The following NLGN1 variants were observed in gnomAD, a reference collection of about 807,000 sequenced individuals.
The protein encoded by NLGN1 is neuroligin 1, also known as neuroligin-1.
A neutral mutation model predicts 65.5 loss-of-function variants in NLGN1; 12 were observed. The ratio of observed to expected loss-of-function variants is 0.18; its 90% confidence interval spans 0.12 to 0.30. The LOEUF is 0.30. Ranked by LOEUF, NLGN1 falls within the 10% of genes least tolerant of loss-of-function variation. The pLI, the probability that NLGN1 is intolerant of heterozygous loss-of-function variation, is 1.00. For missense variants in NLGN1, 750 were observed against 1,007.1 expected (o/e 0.74, Z 3.46); for synonymous variants, 350 against 359.5 (o/e 0.97, Z 0.30).
intron 4 of NLGN1, among the ~76,000 whole-genome samples, chr3:174,105,935 G>A (rs1713684376): frequency 6.6e-6 from 1 of 152,102 alleles, no homozygotes; most frequent in African/African-American, 2.4e-5. Flanking sequence ...CAATGAAACA[G>A]AGGATCATTT....
chr3:174,121,175 T>C (rs1254007551), intron 4 of NLGN1, among the ~76,000 whole-genome samples: 1 of 152,200 alleles, frequency 6.6e-6, no homozygotes, highest in Non-Finnish European at 1.5e-5. Context: ...CAAGCACATA[T>C]GCTCATTATT....
At chr3:174,030,613 A>C (rs1729808802) in intron 4 of NLGN1, among the ~76,000 whole-genome samples, 1 of 152,214 alleles carries the variant, frequency 6.6e-6, no homozygotes, top group Non-Finnish European at 1.5e-5. Flanking sequence ...GATTGAACTT[A>C]TATGTTTACC....
chr3:174,127,365 A>G (rs78515649), intron 4 of NLGN1, among the ~76,000 whole-genome samples: 4,574 of 152,216 alleles, frequency 0.03, 236 homozygotes, highest in African/African-American at 0.1. Flanking sequence ...TAAGGACATA[A>G]TATTTTAAAG....
chr3:174,076,726 T>A (rs9875307), intron 4 of NLGN1, among the ~76,000 whole-genome samples: 2,791 of 87,026 alleles, frequency 0.032, 33 homozygotes, highest in South Asian at 0.071. Flanking sequence ...AGAGAGAGAG[T>A]GTGTGTGTGT....
chr3:173,907,931 G>C (rs563459912), intron 4 of NLGN1, among the ~76,000 whole-genome samples: 42 of 152,202 alleles, frequency 2.8e-4, no homozygotes, highest in Admixed American at 2.0e-4. Context: ...TGTTGGCCAG[G>C]CTGGTCTCGA....
chr3:174,138,657 A>G (rs1356446881), intron 4 of NLGN1, among the ~76,000 whole-genome samples: 2 of 151,774 alleles, frequency 1.3e-5, no homozygotes, highest in Non-Finnish European at 2.9e-5. Context: ...GATGGTCTTG[A>G]TCTCCTGACC....
chr3:173,560,856 A>G (rs972979556), intron 2 of NLGN1, among the ~76,000 whole-genome samples: 6 of 152,222 alleles, frequency 3.9e-5, no homozygotes, highest in Admixed American at 3.9e-4. Flanking sequence ...CAAGGTATCA[A>G]CATATCTATA....
At chr3:173,631,821 G>A (rs764146044) in intron 3 of NLGN1, among the ~76,000 whole-genome samples, 1 of 151,996 alleles carries the variant, frequency 6.6e-6, no homozygotes, top group Non-Finnish European at 1.5e-5. Flanking sequence ...TTTACTGAAT[G>A]AAATTTACTT....
chr3:174,117,868 T>G (rs139000368), intron 4 of NLGN1, among the ~76,000 whole-genome samples: 1 of 152,336 alleles, frequency 6.6e-6, no homozygotes, highest in African/African-American at 2.4e-5. Context: ...CATTAAAAAA[T>G]GCCCTTTATT....
chr3:173,587,216 C>T (rs1388504306), intron 2 of NLGN1, among the ~76,000 whole-genome samples: 1 of 152,062 alleles, frequency 6.6e-6, no homozygotes, highest in African/African-American at 2.4e-5. Flanking sequence ...TCAGAATAAA[C>T]AATACTTTCT....
rs150631692 is a variant in NLGN1 at position 173,473,741 on chromosome 3, G to A, written c.-321+38663G>A. On this transcript the variant is annotated intron_variant, in intron 2 of 6. Coordinates refer to ENST00000457714, the Ensembl canonical transcript of NLGN1. Reference sequence around the variant, plus strand: ...TAATTTCTGGTGTATTTTAAAGTGTGCATTTCCTACTCAGTTCCCAAATAA... The same window carrying A: ...TAATTTCTGGTGTATTTTAAAGTGTACATTTCCTACTCAGTTCCCAAATAA... 4.8e-3 allele frequency among the ~76,000 whole-genome samples: 735 copies of A among 152,228 alleles called. 3 individuals are homozygous for A. Among genetic ancestry groups the A allele is most frequent in the African/African-American group, 0.017 (699 of 41,530 alleles).
intron 4 of NLGN1, among the ~76,000 whole-genome samples, chr3:173,831,126 A>G (rs959594173): frequency 6.6e-6 from 1 of 152,070 alleles, no homozygotes; most frequent in African/African-American, 2.4e-5. Flanking sequence ...ATGTCATTCT[A>G]TTTTATGGCT....
At chr3:173,721,066 G>A (rs1190240164) in intron 3 of NLGN1, among the ~76,000 whole-genome samples, 1 of 152,292 alleles carries the variant, frequency 6.6e-6, no homozygotes, top group Non-Finnish European at 1.5e-5. Context: ...ACTGCGTTTT[G>A]AGTGCTCATA....
intron 2 of NLGN1, among the ~76,000 whole-genome samples, chr3:173,513,950 C>T (rs1181083591): frequency 6.6e-6 from 1 of 152,104 alleles, no homozygotes; most frequent in Non-Finnish European, 1.5e-5. Flanking sequence ...ATCGTTTGAA[C>T]CCAGTAGGCA....
intron 4 of NLGN1, among the ~76,000 whole-genome samples, chr3:174,020,954 AT>A: frequency 6.6e-6 from 1 of 152,230 alleles, no homozygotes; most frequent in Middle Eastern, 3.4e-3. Flanking sequence ...ACAGGAAAAA[AT>A]TTAAATTGAT....
rs9815391 is a variant in NLGN1, at chr3:173,963,277, C to A, written c.646+155445C>A. ...GAAGGTGCAATCCAAAAAGAGGATT[C>A]ATTAAAGAGCTTCTAAAATCTTATA... On this transcript the variant is annotated intron_variant, in intron 4 of 6. Transcript: ENST00000457714. Among the ~76,000 whole-genome samples, 571 of 151,996 alleles carry A rather than the reference C, an allele frequency of 3.8e-3. 3 individuals are homozygous for A. Among genetic ancestry groups the A allele is most frequent in the African/African-American group, 0.013 (548 of 41,386 alleles).
intron 3 of NLGN1, among the ~76,000 whole-genome samples, chr3:173,697,534 T>A (rs749745410): frequency 6.6e-6 from 1 of 152,134 alleles, no homozygotes; most frequent in Non-Finnish European, 1.5e-5. Flanking sequence ...AGAAAGATTT[T>A]CTTTTTTTTT....
chr3:174,258,407 A>G (rs940089653), intron 4 of NLGN1, among the ~76,000 whole-genome samples: 2 of 152,224 alleles, frequency 1.3e-5, no homozygotes, highest in African/African-American at 4.8e-5. Context: ...ATTTTCTTAA[A>G]GATCATCAAC....
intron 2 of NLGN1, among the ~76,000 whole-genome samples, chr3:173,506,201 G>T (rs1732006075): frequency 6.6e-6 from 1 of 151,934 alleles, no homozygotes; most frequent in South Asian, 2.1e-4. Flanking sequence ...ACTTACGAGA[G>T]AAAAGAATTT....
Sources: allele counts gnomAD v4.1 joint callset (sites outside exome capture counted in the v4.1 genomes callset), GRCh38; gene constraint gnomAD v4.1.1; transcripts MANE v1.5; gene names NCBI Gene and HGNC (gene_info 2026-07-23, HGNC 2026-07-21).